MCMBP: variants seen among roughly 807,000 people sequenced by gnomAD.
MCMBP encodes the protein mini-chromosome maintenance complex-binding protein.
A neutral mutation model predicts 81.3 loss-of-function variants in MCMBP; 31 were observed. The observed-to-expected ratio is 0.38, with a 90% CI of 0.29 to 0.51. The LOEUF is 0.51. Ranked by LOEUF, MCMBP falls within the 20% of genes least tolerant of loss-of-function variation. The pLI is 0.87. For synonymous variants in MCMBP, 267 were observed against 275.9 expected (o/e 0.97, Z 0.32); for missense variants, 645 against 772.1 (o/e 0.84, Z 1.95).
intron 12 of MCMBP, among the ~76,000 whole-genome samples, chr10:119,837,521 G>A (rs1453250206): frequency 6.6e-6 from 1 of 152,118 alleles, no homozygotes; most frequent in African/African-American, 2.4e-5. Context: ...CTGCTTTCTT[G>A]TGATTTTATA....
rs1589769163 is a variant in MCMBP, at chr10:119,830,660, G to GTCT, written c.*811_*813dup. On this transcript the variant is annotated 3_prime_UTR_variant, in exon 16 of 16. Coordinates refer to ENST00000369077, the MANE Select transcript of MCMBP (RefSeq NM_001256378.2). ...TAGGAGAAAATAAAGACAATGTAGTGTCTTGGTTTCTTTTGCCCCCAAAAG... is the reference window on the plus strand; with the variant it reads ...TAGGAGAAAATAAAGACAATGTAGTGTCTTCTTGGTTTCTTTTGCCCCCAAAAG... The GTCT allele has an allele frequency of 6.6e-6, 1 of 152,532 alleles. No homozygotes were observed. Among genetic ancestry groups the GTCT allele is most frequent in the African/African-American group, 2.4e-5 (1 of 41,420 alleles). 9.4% of individuals were successfully genotyped at this position (152,532 alleles called of 1,614,324 possible).
chr10:119,854,991 A>C (rs1298950811), intron 5 of MCMBP, among the ~76,000 whole-genome samples: 1 of 151,828 alleles, frequency 6.6e-6, no homozygotes, highest in African/African-American at 2.4e-5. Flanking sequence ...AATCATAATC[A>C]TAATAATATC....
upstream of MCMBP, chr10:119,872,900 G>C (rs1412021521): frequency 7.9e-5 from 12 of 152,800 alleles, no homozygotes; most frequent in African/African-American, 2.6e-4. Flanking sequence ...AGCTCGCGTG[G>C]GGAGGGGCGG....
intron 4 of MCMBP, chr10:119,858,279 A>G (rs1400219024): frequency 2.6e-5 from 4 of 152,274 alleles, no homozygotes; most frequent in Non-Finnish European, 5.9e-5. Flanking sequence ...ATGTTGCTCA[A>G]GAGTCATAAA....
intron 7 of MCMBP, 85 bp downstream of exon 7, chr10:119,849,340 G>A: frequency 2.8e-6 from 4 of 1,413,130 alleles, no homozygotes; most frequent in Non-Finnish European, 2.9e-6. Context: ...CCCAGCACAA[G>A]GGAACAAATG....
intron 12 of MCMBP, among the ~76,000 whole-genome samples, chr10:119,837,355 T>A (rs1852283928): frequency 6.6e-6 from 1 of 152,156 alleles, no homozygotes; most frequent in South Asian, 2.1e-4. Flanking sequence ...AAAACTACCG[T>A]CATACATAGA....
rs1463772765 is a variant in MCMBP at position 119,872,768 on chromosome 10, G to T, written c.-184C>A. 5.5e-6 allele frequency: 1 copy of T among 182,200 alleles called. No individual in the cohort carries two copies. The highest frequency in any genetic ancestry group is 1.1e-5 in the Non-Finnish European group (1 of 89,746). The allele number at this position is 182,200 out of a possible 1,614,324, so 11.3% of individuals were successfully genotyped here. A position where few individuals can be genotyped will look rare whatever the true frequency, so the allele number is the denominator to read the frequency against. On this transcript the variant is annotated 5_prime_UTR_variant, in exon 1 of 16. Transcript: ENST00000369077. The stretch of plus-strand genomic sequence containing the variant: ...TCCCGCGCCTCAGGGAGCGGCGGCT[G>T]CGGTGGGGCCGCCGAGGAGCTGCTG...
rs1852035436 is a variant in MCMBP, at chr10:119,831,530, ACT to A, written c.1865_1866del (p.Glu622ValfsTer17). 5 of 1,613,776 alleles carry A rather than the reference ACT, an allele frequency of 3.1e-6. No homozygotes were observed. Among genetic ancestry groups the A allele is most frequent in the African/African-American group, 1.3e-5 (1 of 74,858 alleles). On this transcript the variant is annotated frameshift_variant, in exon 16 of 16. Coordinates refer to ENST00000369077, the MANE Select transcript of MCMBP (RefSeq NM_001256378.2). LOFTEE classifies it high-confidence loss of function. ...RERWLRAKQL[E>X]SLRRTRLQQQ... Reference sequence around the variant, plus strand: ...TGCTGAAGCCTCGTTCTTCTTAAAGACTCTAGCTGCTTTGCTCTCAGCCATCG... The same window carrying A: ...TGCTGAAGCCTCGTTCTTCTTAAAGACTAGCTGCTTTGCTCTCAGCCATCG...
At chr10:119,851,591 C>T (rs7920623) in intron 6 of MCMBP, among the ~76,000 whole-genome samples, 16,490 of 152,028 alleles carry the variant, frequency 0.11, 952 homozygotes, top group South Asian at 0.17. Context: ...TGCCACCATG[C>T]CTGGCTAATT....
chr10:119,862,081 C>T (rs551725745), intron 1 of MCMBP, among the ~76,000 whole-genome samples: 8 of 152,214 alleles, frequency 5.3e-5, no homozygotes, highest in African/African-American at 1.9e-4. Context: ...CCAAGGCAGG[C>T]GGATCACCTG....
At chr10:119,864,245 T>C (rs1200375075) in intron 1 of MCMBP, among the ~76,000 whole-genome samples, 4 of 152,262 alleles carry the variant, frequency 2.6e-5, no homozygotes, top group Admixed American at 6.5e-5. Context: ...ACAATTTGAT[T>C]TTATCCCAGT....
intron 1 of MCMBP, among the ~76,000 whole-genome samples, chr10:119,862,312 C>T (rs976708299): frequency 3.3e-5 from 5 of 151,982 alleles, no homozygotes; most frequent in Admixed American, 6.6e-5. Context: ...CGTCCCCCCC[C>T]ACACCACCTC....
intron 12 of MCMBP, 149 bp downstream of exon 12, chr10:119,838,386 C>T (rs1293837669): frequency 1.5e-6 from 1 of 676,202 alleles, no homozygotes. Context: ...TAGTTTATAA[C>T]ATATGCTTTA....
At chr10:119,861,304 G>A (rs937152657) in intron 1 of MCMBP, among the ~76,000 whole-genome samples, 4 of 152,108 alleles carry the variant, frequency 2.6e-5, no homozygotes, top group African/African-American at 4.8e-5. Context: ...ATGTGTAGGC[G>A]TTAAATCCAC....
chr10:119,852,833 C>T (rs1451174444), intron 6 of MCMBP, among the ~76,000 whole-genome samples: 1 of 152,198 alleles, frequency 6.6e-6, no homozygotes, highest in Non-Finnish European at 1.5e-5. Context: ...AGACTCCAAA[C>T]ACATACATCA....
chr10:119,868,877 G>C (rs933858700), intron 1 of MCMBP, among the ~76,000 whole-genome samples: 1 of 152,130 alleles, frequency 6.6e-6, no homozygotes, highest in Non-Finnish European at 1.5e-5. Flanking sequence ...TTAAAGAACT[G>C]AAAAAAGGTT....
chr10:119,859,951 T>G, intron 1 of MCMBP, 67 bp from the exon 2 acceptor site: 5 of 1,198,364 alleles, frequency 4.2e-6, no homozygotes, highest in Non-Finnish European at 6.0e-6. Context: ...TATGATCAGG[T>G]GAGTCACACA....
At position 119,872,704 on chromosome 10, in the gene MCMBP, C is replaced by G. The variant is rs1853737962; in HGVS notation, c.-120G>C. 3 of 372,564 alleles carry G rather than the reference C, an allele frequency of 8.1e-6. No individual in the cohort carries two copies. The South Asian group carries it at 3.4e-4, about 42-fold the overall frequency. The allele number at this position is 372,564 out of a possible 1,614,324, so 23.1% of individuals were successfully genotyped here. A position where few individuals can be genotyped will look rare whatever the true frequency, so the allele number is the denominator to read the frequency against. ...CGGCCGCTCCTCGCCCGCGTTCGCT[C>G]GCGCCCTCCCACGCACAGCGAGCCG... On this transcript the variant is annotated 5_prime_UTR_variant, in exon 1 of 16. Coordinates refer to ENST00000369077, the MANE Select transcript of MCMBP (RefSeq NM_001256378.2).
intron 6 of MCMBP, among the ~76,000 whole-genome samples, chr10:119,851,982 G>A (rs186582347): frequency 1.9e-3 from 288 of 151,514 alleles, no homozygotes; most frequent in African/African-American, 6.4e-3. Context: ...GAGAAACCCC[G>A]TCTCTACTAA....
Sources: gnomAD v4.1 joint callset for allele counts (sites outside exome capture counted in the v4.1 genomes callset) on GRCh38, gnomAD v4.1.1 for gene constraint, MANE v1.5 for transcripts, NCBI Gene and HGNC (gene_info 2026-07-23, HGNC 2026-07-21) for gene names.